The following EFEMP1 variants were observed in gnomAD, a reference collection of about 807,000 sequenced individuals.
EFEMP1 encodes the protein EGF-like fibulin extracellular matrix protein 1, also known as EGF-containing fibulin-like extracellular matrix protein 1.
Under a neutral mutation model 65.7 loss-of-function variants are expected in EFEMP1, and 18 were observed. The ratio of observed to expected loss-of-function variants is 0.27; its 90% CI spans 0.19 to 0.41. EFEMP1 has a LOEUF of 0.41. EFEMP1 is among the 10% of genes least tolerant of loss of function. The pLI, the probability that EFEMP1 is intolerant of heterozygous loss-of-function variation, is 1.00. For missense variants in EFEMP1, 469 were observed against 624.8 expected (o/e 0.75, Z 2.66); for synonymous variants, 237 against 219.7 (o/e 1.08, Z -0.70).
rs189493684 is a variant in EFEMP1 at position 55,923,514 on chromosome 2, C to G, written c.-49+197G>C. Among the ~76,000 whole-genome samples, 62 of 152,302 alleles carry G rather than the reference C, an allele frequency of 4.1e-4. No homozygotes were observed. The East Asian group carries it at 0.01, about 25-fold the overall frequency. On this transcript the variant is annotated intron_variant, in intron 1 of 11. Transcript: ENST00000355426. The surrounding 1 kb of genome is among the most constrained non-coding windows in gnomAD (Gnocchi z 5.3). ...ACATGCCCATCCCAACAGATGTCAC[C>G]CGAGTACTCGCACTTGCTGACAGAT...
intron 6 of EFEMP1, among the ~76,000 whole-genome samples, chr2:55,880,799 T>C (rs1447005760): frequency 6.6e-6 from 1 of 152,342 alleles, no homozygotes; most frequent in Admixed American, 6.5e-5. Flanking sequence ...TATCTGCCAG[T>C]TGGCTTCCTC....
At chr2:55,900,545 T>C (rs373167516) in intron 5 of EFEMP1, among the ~76,000 whole-genome samples, 12 of 152,342 alleles carry the variant, frequency 7.9e-5, no homozygotes, top group African/African-American at 2.9e-4. Context: ...AGCTGTATTA[T>C]GCACTTTTAA....
chr2:55,907,850 C>T (rs896954433), intron 5 of EFEMP1, among the ~76,000 whole-genome samples: 2 of 152,194 alleles, frequency 1.3e-5, no homozygotes, highest in Non-Finnish European at 2.9e-5. Context: ...TCACCACCTT[C>T]CCCACAACGA....
chr2:55,898,443 A>G (rs1669912366), intron 5 of EFEMP1, among the ~76,000 whole-genome samples: 1 of 151,982 alleles, frequency 6.6e-6, no homozygotes, highest in Non-Finnish European at 1.5e-5. Flanking sequence ...TACGTAGCAC[A>G]CTCTCTTTTT....
rs1278995944 is a variant in EFEMP1, at chr2:55,922,226, C to T, written c.81+134G>A. The T allele has an allele frequency of 2.4e-6, 2 of 831,080 alleles. No homozygotes were observed. Among genetic ancestry groups the T allele is most frequent in the East Asian group, 2.7e-5 (1 of 37,546 alleles). 51.5% of individuals were successfully genotyped at this position (831,080 alleles called of 1,614,324 possible). A position where few individuals can be genotyped will look rare whatever the true frequency, so the allele number is the denominator to read the frequency against. On this transcript the variant is annotated intron_variant, in intron 3 of 11. Coordinates refer to ENST00000355426, the MANE Select transcript of EFEMP1 (RefSeq NM_001039348.3). The surrounding 1 kb of genome is among the most constrained non-coding windows in gnomAD (Gnocchi z 5.5). ...TTTACAACGAATCTTAGATATGAAG[C>T]ATGAATGAAGTGTTGTTTAATTTAT...
At position 55,866,927 on chromosome 2, in the gene EFEMP1, A is replaced by T. The variant is rs540522685; in HGVS notation, c.*146T>A. ...TCTTTACATATTAAATGCCCACTTT[A>T]TACCATGGTGTAATTGTTTGAATTA... is the stretch of plus-strand genomic sequence containing the variant. On this transcript the variant is annotated 3_prime_UTR_variant, in exon 12 of 12. Transcript: ENST00000355426. 1.0e-3 allele frequency: 1,082 copies of T among 1,036,994 alleles called. No individual in the cohort carries two copies. The highest frequency in any genetic ancestry group is 1.2e-3 in the Non-Finnish European group (831 of 700,990). 64.2% of individuals were successfully genotyped at this position (1,036,994 alleles called of 1,614,324 possible).
Position 55,871,239 on chromosome 2 carries a change from T to A in EFEMP1, c.1001-116A>T. ...AGGAGGTGTGAGAGCATCTGGACTG[T>A]GTTCAACCTGCTTTTAGACACAAGA... On this transcript the variant is annotated intron_variant, in intron 9 of 11. Coordinates refer to ENST00000355426, the MANE Select transcript of EFEMP1 (RefSeq NM_001039348.3). This position sits in a 1 kb window ranked among gnomAD's most constrained non-coding sequence, Gnocchi z 4.2. 1 of 1,419,114 alleles carries A rather than the reference T, an allele frequency of 7.0e-7. No individual in the cohort carries two copies. Among genetic ancestry groups the A allele is most frequent in the South Asian group, 1.2e-5 (1 of 84,776 alleles). The allele number at this position is 1,419,114 out of a possible 1,614,324, so 87.9% of individuals were successfully genotyped here. A position where few individuals can be genotyped will look rare whatever the true frequency, so the allele number is the denominator to read the frequency against.
Position 55,871,533 on chromosome 2 carries a change from G to C in EFEMP1, c.1001-410C>G, listed in dbSNP as rs1426912626. On this transcript the variant is annotated intron_variant, in intron 9 of 11. Transcript: ENST00000355426. This position sits in a 1 kb window ranked among gnomAD's most constrained non-coding sequence, Gnocchi z 4.2. The stretch of plus-strand genomic sequence containing the variant: ...AGATAAGTATACTGGGGCATGTGGA[G>C]CAGAGTTGGGTAATTTTGCCAGGGG... Among the ~76,000 whole-genome samples, 2 of 152,082 alleles carry C rather than the reference G, an allele frequency of 1.3e-5. No individual in the cohort carries two copies. The highest frequency in any genetic ancestry group is 4.8e-5 in the African/African-American group (2 of 41,430).
At chr2:55,869,021 A>G (rs182729687) in intron 11 of EFEMP1, among the ~76,000 whole-genome samples, 1 of 152,290 alleles carries the variant, frequency 6.6e-6, no homozygotes, top group Admixed American at 6.5e-5. Flanking sequence ...CAAATAATTT[A>G]ACATTAACTC....
intron 6 of EFEMP1, among the ~76,000 whole-genome samples, chr2:55,879,054 G>A (rs1178499922): frequency 6.6e-6 from 1 of 152,144 alleles, no homozygotes; most frequent in Non-Finnish European, 1.5e-5. Flanking sequence ...ATATCAAATA[G>A]GTTCTTCTGC....
chr2:55,875,445 T>C (rs1668996687), intron 8 of EFEMP1, among the ~76,000 whole-genome samples: 1 of 151,836 alleles, frequency 6.6e-6, no homozygotes, highest in Non-Finnish European at 1.5e-5. Flanking sequence ...GTAAAAATAT[T>C]GCAAATTCTG....
chr2:55,877,632 A>G lies in EFEMP1; in HGVS notation c.760+114T>C. On this transcript the variant is annotated intron_variant, in intron 7 of 11. Transcript: ENST00000355426. This position sits in a 1 kb window ranked among gnomAD's most constrained non-coding sequence, Gnocchi z 4.5. The stretch of plus-strand genomic sequence containing the variant: ...ATCTTTTAAGCTTTATGATTGCTGA[A>G]GGGAAGTCGATGGAAACTATTTACT... 1 of 1,479,516 alleles carries G rather than the reference A, an allele frequency of 6.8e-7. No individual in the cohort carries two copies. The highest frequency in any genetic ancestry group is 1.2e-5 in the South Asian group (1 of 86,618). 91.6% of individuals were successfully genotyped at this position (1,479,516 alleles called of 1,614,324 possible).
intron 5 of EFEMP1, among the ~76,000 whole-genome samples, chr2:55,882,766 A>G (rs1333467964): frequency 6.6e-6 from 1 of 152,158 alleles, no homozygotes; most frequent in Non-Finnish European, 1.5e-5. Flanking sequence ...ATTTTTGTAT[A>G]AAAACCAAAA....
rs899095883 is a variant in EFEMP1, at chr2:55,866,116, G to A, written c.*957C>T. 1 of 152,106 alleles carries A rather than the reference G, an allele frequency of 6.6e-6. No individual in the cohort carries two copies. The highest frequency in any genetic ancestry group is 1.5e-5 in the Non-Finnish European group (1 of 68,016). The allele number at this position is 152,106 out of a possible 1,614,324, so 9.4% of individuals were successfully genotyped here. Reference sequence around the variant, plus strand: ...AGTTCACTGTCACTCTGGATGCCAGGAATAAAAACCATCATCATTTTCTTC... The same window carrying A: ...AGTTCACTGTCACTCTGGATGCCAGAAATAAAAACCATCATCATTTTCTTC... On this transcript the variant is annotated 3_prime_UTR_variant, in exon 12 of 12. Coordinates refer to ENST00000355426, the MANE Select transcript of EFEMP1 (RefSeq NM_001039348.3).
intron 5 of EFEMP1, among the ~76,000 whole-genome samples, chr2:55,903,179 G>C (rs1443518130): frequency 1.3e-5 from 2 of 152,134 alleles, no homozygotes; most frequent in African/African-American, 2.4e-5. Context: ...GAATCCTCTT[G>C]AGCATTCAAG....
chr2:55,902,571 T>C (rs2104427385), intron 5 of EFEMP1, among the ~76,000 whole-genome samples: 1 of 152,326 alleles, frequency 6.6e-6, no homozygotes, highest in East Asian at 1.9e-4. Flanking sequence ...TGAACCACAA[T>C]ACCGTAATTA....
chr2:55,923,188 C>G lies in EFEMP1; in HGVS notation c.-48-249G>C, dbSNP rs1670968440. ...CCCAAAGCGACTGATTCTCTTTTGT[C>G]TTATCAGTCTGGGTCCCCGACACGC... On this transcript the variant is annotated intron_variant, in intron 1 of 11. Coordinates refer to ENST00000355426, the MANE Select transcript of EFEMP1 (RefSeq NM_001039348.3). The surrounding 1 kb of genome is among the most constrained non-coding windows in gnomAD (Gnocchi z 5.3). Among the ~76,000 whole-genome samples the G allele has an allele frequency of 6.6e-6, 1 of 152,170 alleles. No homozygotes were observed. The highest frequency in any genetic ancestry group is 6.5e-5 in the Admixed American group (1 of 15,278).
At chr2:55,916,095 C>T (rs1572848418) in intron 5 of EFEMP1, among the ~76,000 whole-genome samples, 1 of 148,940 alleles carries the variant, frequency 6.7e-6, no homozygotes, top group Admixed American at 6.7e-5. Flanking sequence ...CAGAGCATGA[C>T]AAGTTTCCTT....
At position 55,918,209 on chromosome 2, in the gene EFEMP1, G is replaced by A; in HGVS notation, c.130+10C>T. The A allele has an allele frequency of 6.2e-7, 1 of 1,614,180 alleles. No homozygotes were observed. The highest frequency in any genetic ancestry group is 8.5e-7 in the Non-Finnish European group (1 of 1,180,028). The stretch of plus-strand genomic sequence containing the variant: ...CAATGATCACATGGAAGTCTTTGAA[G>A]CTGGCTCACCTTTGCATTGCTGTCT... On this transcript the variant is annotated intron_variant, in intron 4 of 11. Transcript: ENST00000355426.
Sources: allele counts gnomAD v4.1 joint callset (sites outside exome capture counted in the v4.1 genomes callset), GRCh38; gene constraint gnomAD v4.1.1; non-coding constraint Gnocchi (gnomAD v3.1); transcripts MANE v1.5; gene names NCBI Gene and HGNC (gene_info 2026-07-23, HGNC 2026-07-21).